RBM6: variants seen among roughly 807,000 people sequenced by gnomAD.
The protein encoded by RBM6 is RNA binding motif protein 6, also known as RNA-binding protein 6.
In RBM6, 23 loss-of-function variants were observed where a neutral mutation model predicts 140.4. The ratio of observed to expected loss-of-function variants is 0.16; its 90% CI spans 0.12 to 0.23. The LOEUF (loss-of-function observed/expected upper bound fraction) is 0.23, where lower values mean the gene tolerates loss of function less well. Among genes scored for constraint, RBM6 ranks in the 10% least tolerant of loss-of-function variants. RBM6 has a pLI of 1.00. For missense variants in RBM6, 1,139 were observed against 1,386.7 expected (o/e 0.82, Z 2.84); for synonymous variants, 439 against 475.6 (o/e 0.92, Z 1.00).
intron 5 of RBM6, among the ~76,000 whole-genome samples, chr3:49,983,308 T>C (rs1462063828): frequency 6.6e-6 from 1 of 152,174 alleles, no homozygotes; most frequent in Non-Finnish European, 1.5e-5. Flanking sequence ...ATTGTGAAAC[T>C]CGAGAATTGA....
intron 6 of RBM6, among the ~76,000 whole-genome samples, chr3:50,019,530 C>G (rs2087368302): frequency 6.6e-6 from 1 of 151,756 alleles, no homozygotes; most frequent in Admixed American, 6.6e-5. Flanking sequence ...TCTTTCTTTT[C>G]TTCCTATAGA....
At chr3:50,010,626 G>C (rs754187085) in intron 6 of RBM6, among the ~76,000 whole-genome samples, 1 of 151,964 alleles carries the variant, frequency 6.6e-6, no homozygotes, top group Non-Finnish European at 1.5e-5. Context: ...TTTAAGGCCA[G>C]GCAGGGTGGC....
In RBM6 at chr3:49,967,366, A is replaced by C; in HGVS notation, c.45-104A>C. On this transcript the variant is annotated intron_variant, in intron 2 of 20. Transcript: ENST00000266022. The surrounding 1 kb of genome is among the most constrained non-coding windows in gnomAD (Gnocchi z 4.0). Reference sequence around the variant, plus strand: ...CCTTGTTACAGAACTCTGCCAAAAAAAAAATGTTTACAGAAGAATGTGCTG... The same window carrying C: ...CCTTGTTACAGAACTCTGCCAAAAACAAAATGTTTACAGAAGAATGTGCTG... The C allele has an allele frequency of 1.3e-6, 2 of 1,506,182 alleles. No individual in the cohort carries two copies. The highest frequency in any genetic ancestry group is 1.8e-6 in the Non-Finnish European group (2 of 1,130,106). 93.3% of individuals were successfully genotyped at this position (1,506,182 alleles called of 1,614,324 possible). A position where few individuals can be genotyped will look rare whatever the true frequency, so the allele number is the denominator to read the frequency against.
chr3:50,052,840 A>G (rs531566841), intron 7 of RBM6, among the ~76,000 whole-genome samples: 1 of 152,280 alleles, frequency 6.6e-6, no homozygotes, highest in African/African-American at 2.4e-5. Flanking sequence ...AGTGGCTCCT[A>G]AGGCTTCTCT....
intron 6 of RBM6, among the ~76,000 whole-genome samples, chr3:50,012,738 CTTTTTTT>C (rs1354297345): frequency 8.3e-6 from 1 of 120,840 alleles, no homozygotes; most frequent in Non-Finnish European, 1.7e-5. Context: ...TAGATTCTAC[CTTTTTTT>C]TTTTTTTTTT....
At chr3:49,982,259 T>TTTC (rs2085338158) in intron 5 of RBM6, among the ~76,000 whole-genome samples, 3 of 148,748 alleles carry the variant, frequency 2.0e-5, no homozygotes, top group Admixed American at 2.0e-4. Flanking sequence ...TTTCTTTTCT[T>TTTC]TTCTTTTTTT....
chr3:49,993,909 T>C (rs1286765277), intron 5 of RBM6, among the ~76,000 whole-genome samples: 1 of 152,126 alleles, frequency 6.6e-6, no homozygotes, highest in Non-Finnish European at 1.5e-5. Context: ...GCCATTGCAC[T>C]CTAGCCTGGG....
At chr3:50,074,402 A>T (rs1189596129) in intron 19 of RBM6, among the ~76,000 whole-genome samples, 1 of 149,582 alleles carries the variant, frequency 6.7e-6, no homozygotes, top group Non-Finnish European at 1.5e-5. Flanking sequence ...GCTAACCACA[A>T]CCTCCACCTC....
At chr3:50,061,904 G>T in intron 14 of RBM6, 58 bp from the exon 15 acceptor site, 2 of 1,581,604 alleles carry the variant, frequency 1.3e-6, no homozygotes, top group South Asian at 1.2e-5. Flanking sequence ...CCTTAGACCT[G>T]GAATTGCTGG....
chr3:50,017,250 G>A (rs931626911), intron 6 of RBM6, among the ~76,000 whole-genome samples: 2 of 152,004 alleles, frequency 1.3e-5, no homozygotes, highest in South Asian at 2.1e-4. Context: ...AGGAATGCAC[G>A]TATGTCTTCT....
chr3:50,066,374 C>A lies in RBM6; in HGVS notation c.2815C>A (p.Gln939Lys). Residue 939 changes from glutamine to lysine, a missense_variant, in exon 17 of 21, where the codon CAA (glutamine) becomes AAA (lysine). Transcript: ENST00000266022. ...AGCACAGCCCCAGAAGCGAGAGGAG[C>A]AAACCAAGAAGGAGAATGAAGAAGA... is the stretch of plus-strand genomic sequence containing the variant. ...RTAQPQKREE[Q>K]TKKENEEDKL... 6.2e-7 allele frequency: 1 copy of A among 1,614,098 alleles called. No homozygotes were observed.
intron 6 of RBM6, among the ~76,000 whole-genome samples, chr3:50,017,393 T>C (rs2087222152): frequency 6.6e-6 from 1 of 151,830 alleles, no homozygotes; most frequent in African/African-American, 2.4e-5. Flanking sequence ...CCGTTTCTAC[T>C]AAAAATACAA....
At chr3:50,052,957 G>A (rs2089532053) in intron 7 of RBM6, among the ~76,000 whole-genome samples, 1 of 150,764 alleles carries the variant, frequency 6.6e-6, no homozygotes, top group South Asian at 2.1e-4. Context: ...CCTGTGGGAA[G>A]GCATAACAGC....
intron 1 of RBM6, among the ~76,000 whole-genome samples, chr3:49,944,876 T>C (rs2083420824): frequency 6.8e-6 from 1 of 147,776 alleles, no homozygotes; most frequent in South Asian, 2.2e-4. Context: ...GTGTAATTTT[T>C]TTTTAAATTT....
chr3:49,963,755 G>A (rs571212131), intron 2 of RBM6, among the ~76,000 whole-genome samples: 5 of 152,086 alleles, frequency 3.3e-5, no homozygotes, highest in East Asian at 1.9e-4. Flanking sequence ...AACATTTTTC[G>A]TATTGTGTTT....
intron 6 of RBM6, among the ~76,000 whole-genome samples, chr3:50,015,434 T>A (rs6800913): frequency 0.8 from 105,455 of 131,828 alleles, 42,102 homozygotes; most frequent in Middle Eastern, 0.86. Context: ...TATTATTATT[T>A]TTTTTTTTTT....
intron 1 of RBM6, among the ~76,000 whole-genome samples, chr3:49,947,043 C>T (rs1220528689): frequency 1.4e-5 from 2 of 145,718 alleles, no homozygotes; most frequent in African/African-American, 5.1e-5. Context: ...GTTTTTCATC[C>T]TGGCTAACAC....
At chr3:50,055,916 C>T (rs775120883) in intron 8 of RBM6, among the ~76,000 whole-genome samples, 3 of 152,114 alleles carry the variant, frequency 2.0e-5, no homozygotes, top group Non-Finnish European at 4.4e-5. Flanking sequence ...CACATGCATC[C>T]ATAACAACAG....
At chr3:50,056,801 A>G (rs556711151) in intron 8 of RBM6, among the ~76,000 whole-genome samples, 1 of 152,336 alleles carries the variant, frequency 6.6e-6, no homozygotes, top group Non-Finnish European at 1.5e-5. Flanking sequence ...ATAAAGACAA[A>G]TTATCCTGCT....
Sources: gnomAD v4.1 joint callset for allele counts (sites outside exome capture counted in the v4.1 genomes callset) on GRCh38, gnomAD v4.1.1 for gene constraint, Gnocchi (gnomAD v3.1) non-coding constraint, MANE v1.5 for transcripts, NCBI Gene and HGNC (gene_info 2026-07-23, HGNC 2026-07-21) for gene names.